MCTP2: variants seen among roughly 807,000 people sequenced by gnomAD.
The protein encoded by MCTP2 is multiple C2 and transmembrane domain-containing protein 2.
Under a neutral mutation model 111.6 loss-of-function variants are expected in MCTP2, and 132 were observed. That is an observed-to-expected ratio of 1.18 (90% CI 1.03 to 1.37). The LOEUF is 1.37. Among genes scored for constraint, MCTP2 ranks in the 40% most tolerant of loss-of-function variants. The pLI, the probability that MCTP2 is intolerant of heterozygous loss-of-function variation, is 0.00. For missense variants in MCTP2, 1,183 were observed against 1,067.9 expected (o/e 1.11, Z -1.50); for synonymous variants, 395 against 387.7 (o/e 1.02, Z -0.22).
chr15:94,260,057 T>A (rs1388725977), intron 1 of MCTP2, among the ~76,000 whole-genome samples: 1 of 152,122 alleles, frequency 6.6e-6, no homozygotes, highest in East Asian at 1.9e-4. Context: ...ACCAGTGAGG[T>A]CATTTGCTTT....
chr15:94,246,183 A>G (rs1464784547), intron 1 of MCTP2, among the ~76,000 whole-genome samples: 1 of 152,136 alleles, frequency 6.6e-6, no homozygotes, highest in East Asian at 1.9e-4. Flanking sequence ...AGGAATGGAC[A>G]CTGAAACCGT....
intron 22 of MCTP2, among the ~76,000 whole-genome samples, chr15:94,478,521 A>AT (rs2074549857): frequency 6.6e-6 from 1 of 152,096 alleles, no homozygotes; most frequent in Non-Finnish European, 1.5e-5. Context: ...CAATTTCAGC[A>AT]TTTTTTCCTC....
chr15:94,479,243 G>A lies in MCTP2; in HGVS notation c.*209G>A, dbSNP rs1403134173. On this transcript the variant is annotated 3_prime_UTR_variant, in exon 23 of 23. Coordinates refer to ENST00000357742, the MANE Select transcript of MCTP2 (RefSeq NM_001385001.1). The stretch of plus-strand genomic sequence containing the variant: ...GGTGTCCTAGTTGCGTAGAGGGTCA[G>A]CCCAGCGAAAAGCAACAACCCCAAG... 4 of 586,976 alleles carry A rather than the reference G, an allele frequency of 6.8e-6. No homozygotes were observed. Among genetic ancestry groups the A allele is most frequent in the Non-Finnish European group, 1.2e-5 (4 of 326,128 alleles). 36.4% of individuals were successfully genotyped at this position (586,976 alleles called of 1,614,324 possible). A position where few individuals can be genotyped will look rare whatever the true frequency, so the allele number is the denominator to read the frequency against.
chr15:94,418,110 T>C (rs2082457997), intron 17 of MCTP2, among the ~76,000 whole-genome samples: 1 of 152,116 alleles, frequency 6.6e-6, no homozygotes, highest in South Asian at 2.1e-4. Context: ...AAGGAGTAAG[T>C]CATGAAGGAG....
intron 14 of MCTP2, among the ~76,000 whole-genome samples, chr15:94,391,259 A>T (rs2080957930): frequency 6.6e-6 from 1 of 152,136 alleles, no homozygotes; most frequent in Non-Finnish European, 1.5e-5. Context: ...TGCCATGTGT[A>T]TCTCCATTTG....
chr15:94,423,078 T>C (rs983584972), intron 17 of MCTP2, among the ~76,000 whole-genome samples: 2 of 152,216 alleles, frequency 1.3e-5, no homozygotes, highest in African/African-American at 4.8e-5. Flanking sequence ...TGTCTTCTAA[T>C]TGAACCAATG....
At chr15:94,375,186 C>T (rs1193669231) in intron 12 of MCTP2, among the ~76,000 whole-genome samples, 1 of 152,112 alleles carries the variant, frequency 6.6e-6, no homozygotes, top group Admixed American at 6.6e-5. Flanking sequence ...GGATGCTACA[C>T]ACTTTTAAAT....
chr15:94,471,903 T>C (rs2073962750), intron 21 of MCTP2, among the ~76,000 whole-genome samples: 1 of 152,232 alleles, frequency 6.6e-6, no homozygotes, highest in African/African-American at 2.4e-5. Context: ...ATCTTGAGAT[T>C]GTTGTCTGAC....
At chr15:94,277,821 A>G (rs751854356) in intron 1 of MCTP2, among the ~76,000 whole-genome samples, 9 of 152,162 alleles carry the variant, frequency 5.9e-5, no homozygotes, top group South Asian at 2.1e-4. Context: ...AATTTACACT[A>G]TAGATTTAGT....
intron 1 of MCTP2, among the ~76,000 whole-genome samples, chr15:94,286,490 G>A (rs974991713): frequency 1.3e-5 from 2 of 151,842 alleles, no homozygotes; most frequent in African/African-American, 4.8e-5. Flanking sequence ...CTGTTATTTG[G>A]ATTGATACTA....
rs926918469 is a variant in MCTP2 at position 94,380,037 on chromosome 15, C to T, written c.1583-3985C>T. Among the ~76,000 whole-genome samples the T allele has an allele frequency of 1.9e-4, 29 of 151,894 alleles. 1 individual carries two copies. The highest frequency in any genetic ancestry group is 6.0e-4 in the African/African-American group (25 of 41,396). On this transcript the variant is annotated intron_variant, in intron 12 of 22. Coordinates refer to ENST00000357742, the MANE Select transcript of MCTP2 (RefSeq NM_001385001.1). ...TCCCTTGTAAACCTCAATTAAGAAT[C>T]GCCTCCACTAAGAAATCTTTCTGAA...
At chr15:94,352,448 G>C (rs768844499) in intron 8 of MCTP2, among the ~76,000 whole-genome samples, 6 of 152,150 alleles carry the variant, frequency 3.9e-5, no homozygotes, top group Non-Finnish European at 7.4e-5. Context: ...CAGAGCAGAT[G>C]AATGAATCAA....
chr15:94,329,699 T>A (rs549570791), intron 4 of MCTP2, among the ~76,000 whole-genome samples: 47 of 152,140 alleles, frequency 3.1e-4, no homozygotes, highest in Middle Eastern at 3.4e-3. Flanking sequence ...GGATTACACC[T>A]CAATATGAGG....
intron 1 of MCTP2, among the ~76,000 whole-genome samples, chr15:94,286,458 T>TGACTAGCAA (rs1014531855): frequency 2.4e-4 from 37 of 152,338 alleles, no homozygotes; most frequent in African/African-American, 8.9e-4. Flanking sequence ...TGACACATTC[T>TGACTAGCAA]GACTAGTGAC....
intron 1 of MCTP2, among the ~76,000 whole-genome samples, chr15:94,264,985 T>G (rs17547635): frequency 0.49 from 74,646 of 152,008 alleles, 18,548 homozygotes; most frequent in South Asian, 0.54. Context: ...GGAGCACACA[T>G]CTATTTCTGG....
intron 1 of MCTP2, among the ~76,000 whole-genome samples, chr15:94,256,641 G>A (rs1239871312): frequency 2.0e-5 from 3 of 152,168 alleles, no homozygotes; most frequent in African/African-American, 7.2e-5. Context: ...TTTTCTGTGA[G>A]CAAGAGACTT....
rs1037577365 is a variant in MCTP2 at position 94,357,100 on chromosome 15, C to T, written c.1170+799C>T. ...TTTGAAAATATAACCGAGGATATTT[C>T]TAGCATCAAGGATGCAGCAGATACA... On this transcript the variant is annotated intron_variant, in intron 9 of 22. Coordinates refer to ENST00000357742, the MANE Select transcript of MCTP2 (RefSeq NM_001385001.1). Among the ~76,000 whole-genome samples, 14 of 152,254 alleles carry T rather than the reference C, an allele frequency of 9.2e-5. No homozygotes were observed. The South Asian group carries it at 2.9e-3, about 32-fold the overall frequency.
At chr15:94,467,437 A>ATT (rs1232881968) in intron 20 of MCTP2, among the ~76,000 whole-genome samples, 36 of 52,620 alleles carry the variant, frequency 6.8e-4, no homozygotes, top group Non-Finnish European at 2.1e-4. Flanking sequence ...ATCAAATATG[A>ATT]CCAATGGAAT....
intron 17 of MCTP2, among the ~76,000 whole-genome samples, chr15:94,406,341 C>T (rs898837207): frequency 1.3e-5 from 2 of 152,198 alleles, no homozygotes; most frequent in African/African-American, 4.8e-5. Flanking sequence ...CCCAGGCCAT[C>T]TTGCTTTAGT....
Sources: allele counts gnomAD v4.1 joint callset (sites outside exome capture counted in the v4.1 genomes callset), GRCh38; gene constraint gnomAD v4.1.1; transcripts MANE v1.5; gene names NCBI Gene and HGNC (gene_info 2026-07-23, HGNC 2026-07-21).